Variants in IKZF5 observed in about 807,000 individuals in gnomAD.
IKZF5 encodes zinc finger protein Pegasus.
IKZF5 carries 4 observed loss-of-function variants against 30.7 expected under a neutral mutation model. The observed-to-expected ratio is 0.13, with a 90% CI of 0.06 to 0.30. IKZF5 has a LOEUF of 0.30. IKZF5 is among the 10% of genes least tolerant of loss of function. IKZF5 has a pLI of 1.00. For synonymous variants in IKZF5, 148 were observed against 179.6 expected, an observed-to-expected ratio of 0.82 and a Z score of 1.41; for missense variants, 348 against 525.5, an observed-to-expected ratio of 0.66 and a Z score of 3.30.
chr10:123,002,412 C>T (rs1589721471), intron 2 of IKZF5, among the ~76,000 whole-genome samples: 1 of 151,028 alleles, frequency 6.6e-6, no homozygotes, highest in Admixed American at 6.6e-5. Context: ...CCCTGCTTTT[C>T]GGTAGGCTGA....
Position 122,992,348 on chromosome 10 carries a change from G to A in IKZF5, c.*1432C>T, listed in dbSNP as rs2133370929. On this transcript the variant is annotated 3_prime_UTR_variant, in exon 5 of 5. Coordinates refer to ENST00000368886, the MANE Select transcript of IKZF5 (RefSeq NM_001372123.1). ...TAGAGTTCTTTTTTGGTTAATAGAT[G>A]CTTACTATTCTCTTTAAGATGCCAA... The A allele has an allele frequency of 6.6e-6, 1 of 152,234 alleles. No individual in the cohort carries two copies. The highest frequency in any genetic ancestry group is 1.9e-4 in the East Asian group (1 of 5,184). The allele number at this position is 152,234 out of a possible 1,614,324, so 9.4% of individuals were successfully genotyped here.
In IKZF5 at chr10:122,993,749, G is replaced by GC; in HGVS notation, c.*30dup. On this transcript the variant is annotated 3_prime_UTR_variant, in exon 5 of 5. Transcript: ENST00000368886. The stretch of plus-strand genomic sequence containing the variant: ...CAAAAAAAACCAAACCACAAAAACA[G>GC]CAAAACTAAGTAAAATATGACTATT... 6.7e-7 allele frequency: 1 copy of GC among 1,493,842 alleles called. No individual in the cohort carries two copies. The allele number at this position is 1,493,842 out of a possible 1,614,324, so 92.5% of individuals were successfully genotyped here. A position where few individuals can be genotyped will look rare whatever the true frequency, so the allele number is the denominator to read the frequency against.
chr10:122,992,607 A>T lies in IKZF5; in HGVS notation c.*1173T>A, dbSNP rs945177980. 3.3e-5 allele frequency: 5 copies of T among 152,194 alleles called. No homozygotes were observed. The highest frequency in any genetic ancestry group is 1.2e-4 in the African/African-American group (5 of 41,470). 9.4% of individuals were successfully genotyped at this position (152,194 alleles called of 1,614,324 possible). ...AATGTCATGTTTAGATGCATTTTAT[A>T]TTCACTTCCACACCTTTTTATCCTT... On this transcript the variant is annotated 3_prime_UTR_variant, in exon 5 of 5. Coordinates refer to ENST00000368886, the MANE Select transcript of IKZF5 (RefSeq NM_001372123.1).
rs1849304937 is a variant in IKZF5, at chr10:122,994,862, A to AT, written c.317-140dup. On this transcript the variant is annotated intron_variant, in intron 4 of 4. Coordinates refer to ENST00000368886, the MANE Select transcript of IKZF5 (RefSeq NM_001372123.1). The surrounding 1 kb of genome is among the most constrained non-coding windows in gnomAD (Gnocchi z 5.6). ...AAGTCATATTTGCATAGCATATGAGATTGTTAAAATTTGTAAATAAACCCA... is the reference window on the plus strand; with the variant it reads ...AAGTCATATTTGCATAGCATATGAGATTTGTTAAAATTTGTAAATAAACCCA... 1 of 668,402 alleles carries AT rather than the reference A, an allele frequency of 1.5e-6. No homozygotes were observed. Among genetic ancestry groups the AT allele is most frequent in the African/African-American group, 1.8e-5 (1 of 55,032 alleles). The allele number at this position is 668,402 out of a possible 1,614,324, so 41.4% of individuals were successfully genotyped here. A position where few individuals can be genotyped will look rare whatever the true frequency, so the allele number is the denominator to read the frequency against.
chr10:122,996,078 A>G lies in IKZF5; in HGVS notation c.232T>C (p.Phe78Leu), dbSNP rs8192669. 8.9e-5 allele frequency: 144 copies of G among 1,613,976 alleles called. No individual in the cohort carries two copies. Among genetic ancestry groups the G allele is most frequent in the Non-Finnish European group, 1.0e-4 (123 of 1,180,030 alleles). The change falls in exon 4 of 5, where the codon TTT (phenylalanine) becomes CTT (leucine). Residue 78 changes from phenylalanine (F) to leucine (L), a missense_variant. Around this residue, in one of 4 missense-constraint regions of IKZF5, gnomAD observed 80 missense variants for 93.2 expected, o/e 0.86. Transcript: ENST00000368886. ...GMLVDGFERT[F>L]DGKLKCRYCN... is the part of the protein sequence containing the mutation. Reference sequence around the variant, plus strand: ...TACCGACACTTAAGCTTCCCATCAAAGGTCCTTTCAAACCCGTCTACTAAC... The same window carrying G: ...TACCGACACTTAAGCTTCCCATCAAGGGTCCTTTCAAACCCGTCTACTAAC...
chr10:123,007,785 C>T lies in IKZF5; in HGVS notation c.-197-609G>A, dbSNP rs908753880. The stretch of plus-strand genomic sequence containing the variant: ...ATAACCTTTAGCTGTTGTGACAACA[C>T]GACATAAATCAAAATTAAATTGAAT... On this transcript the variant is annotated intron_variant, in intron 1 of 4. Coordinates refer to ENST00000368886, the MANE Select transcript of IKZF5 (RefSeq NM_001372123.1). Among the ~76,000 whole-genome samples, 7 of 152,266 alleles carry T rather than the reference C, an allele frequency of 4.6e-5. No individual in the cohort carries two copies. In the East Asian group the frequency reaches 1.4e-3, roughly 29 times the overall value.
At chr10:123,005,697 A>ACT (rs1849754709) in intron 2 of IKZF5, among the ~76,000 whole-genome samples, 2 of 152,150 alleles carry the variant, frequency 1.3e-5, no homozygotes, top group Non-Finnish European at 2.9e-5. Flanking sequence ...TCTAAATGGG[A>ACT]TTAGTGCCTT....
rs1228896217 is a variant in IKZF5, at chr10:122,994,085, G to A, written c.955C>T (p.His319Tyr). The A allele has an allele frequency of 3.1e-6, 5 of 1,614,154 alleles. No homozygotes were observed. The South Asian group carries it at 3.3e-5, about 11-fold the overall frequency. ...ACTGGACTATAGTTCCTTTGACTAT[G>A]GGATGGCCGAGGTTCTGGGCTTGTG... ...SPTSPEPRPS[H>Y]SQRNYSPVAG... Residue 319 changes from histidine (H) to tyrosine (Y), a missense_variant, in exon 5 of 5, where the codon CAT (histidine) becomes TAT (tyrosine). This residue lies in a region of IKZF5 where 176 missense variants were observed against 198.2 expected (regional missense o/e 0.89). Coordinates refer to ENST00000368886, the MANE Select transcript of IKZF5 (RefSeq NM_001372123.1). This position sits in a 1 kb window ranked among gnomAD's most constrained non-coding sequence, Gnocchi z 5.6.
chr10:122,995,693 T>C (rs1227824839), intron 4 of IKZF5, among the ~76,000 whole-genome samples: 1 of 152,192 alleles, frequency 6.6e-6, no homozygotes, highest in East Asian at 1.9e-4. Context: ...TTTTATCACA[T>C]CGCAGTGCTT....
chr10:123,004,344 T>C (rs891610677), intron 2 of IKZF5, among the ~76,000 whole-genome samples: 1 of 152,160 alleles, frequency 6.6e-6, no homozygotes, highest in Non-Finnish European at 1.5e-5. Flanking sequence ...GACAGGCTTC[T>C]GGAAGCAAGA....
At position 123,008,741 on chromosome 10, in the gene IKZF5, TCGCCGC is replaced by T. The variant is rs902449078; in HGVS notation, c.-251_-246del. The stretch of plus-strand genomic sequence containing the variant: ...AACCACACCGCCTTGTTAAATGCCG[TCGCCGC>T]CGCCGCCGTCTTCGTCACCGTCACA... On this transcript the variant is annotated 5_prime_UTR_variant, in exon 1 of 5. Transcript: ENST00000368886. The T allele has an allele frequency of 3.8e-5, 22 of 585,190 alleles. No homozygotes were observed. Among genetic ancestry groups the T allele is most frequent in the East Asian group, 5.8e-5 (2 of 34,684 alleles). The allele number at this position is 585,190 out of a possible 1,614,324, so 36.2% of individuals were successfully genotyped here. A position where few individuals can be genotyped will look rare whatever the true frequency, so the allele number is the denominator to read the frequency against.
At chr10:122,996,930 A>T (rs1271723784) in intron 3 of IKZF5, among the ~76,000 whole-genome samples, 2 of 152,192 alleles carry the variant, frequency 1.3e-5, no homozygotes, top group Non-Finnish European at 2.9e-5. Flanking sequence ...GCAGTGAATA[A>T]GTTTTCCACA....
intron 2 of IKZF5, among the ~76,000 whole-genome samples, chr10:122,999,211 C>T (rs537880347): frequency 6.6e-6 from 1 of 152,246 alleles, no homozygotes; most frequent in African/African-American, 2.4e-5. Flanking sequence ...GGACATGTTT[C>T]TTATCTGTGC....
rs1849247661 is a variant in IKZF5, at chr10:122,993,687, TAGC to T, written c.*90_*92del. On this transcript the variant is annotated 3_prime_UTR_variant, in exon 5 of 5. Transcript: ENST00000368886. ...TAAATATAATGTATAAGCCTTGAAT[TAGC>T]AGACACTTTATTAGGGATGACCAAA... 1 of 719,978 alleles carries T rather than the reference TAGC, an allele frequency of 1.4e-6. No homozygotes were observed. 44.6% of individuals were successfully genotyped at this position (719,978 alleles called of 1,614,324 possible).
Position 122,994,381 on chromosome 10 carries a change from G to A in IKZF5, c.659C>T (p.Pro220Leu). ...TTCATAGGAGTCAGTCTGGATATTT[G>A]GGATTTCGTGGGTAAAATCGTTAAG... ...DYLNDFTHEIPNIQTDSYESM... is the reference protein window; with the variant it reads ...DYLNDFTHEILNIQTDSYESM... The change falls in exon 5 of 5, where the codon CCA (proline) becomes CTA (leucine). Residue 220 changes from proline to leucine, a missense_variant. By Grantham distance (98) the Pro-to-Leu change is moderately conservative (BLOSUM62 -3). This residue lies in a region of IKZF5 where 176 missense variants were observed against 198.2 expected (regional missense o/e 0.89). Coordinates refer to ENST00000368886, the MANE Select transcript of IKZF5 (RefSeq NM_001372123.1). This position sits in a 1 kb window ranked among gnomAD's most constrained non-coding sequence, Gnocchi z 5.6. 6.2e-7 allele frequency: 1 copy of A among 1,613,992 alleles called. No homozygotes were observed. Among genetic ancestry groups the A allele is most frequent in the Non-Finnish European group, 8.5e-7 (1 of 1,179,988 alleles).
At position 122,992,321 on chromosome 10, in the gene IKZF5, A is replaced by G. The variant is rs1335381361; in HGVS notation, c.*1459T>C. ...CACCAATATTTCCCTTTCCTTTACT[A>G]TTAGAGTTCTTTTTTGGTTAATAGA... On this transcript the variant is annotated 3_prime_UTR_variant, in exon 5 of 5. Transcript: ENST00000368886. 2.6e-5 allele frequency: 4 copies of G among 152,180 alleles called. No homozygotes were observed. The highest frequency in any genetic ancestry group is 7.2e-5 in the African/African-American group (3 of 41,468). The allele number at this position is 152,180 out of a possible 1,614,324, so 9.4% of individuals were successfully genotyped here. A position where few individuals can be genotyped will look rare whatever the true frequency, so the allele number is the denominator to read the frequency against.
chr10:122,994,910 A>C lies in IKZF5; in HGVS notation c.317-187T>G. 3.4e-6 allele frequency: 2 copies of C among 580,500 alleles called. No individual in the cohort carries two copies. The highest frequency in any genetic ancestry group is 6.0e-6 in the Non-Finnish European group (2 of 332,828). 36.0% of individuals were successfully genotyped at this position (580,500 alleles called of 1,614,324 possible). On this transcript the variant is annotated intron_variant, in intron 4 of 4. Coordinates refer to ENST00000368886, the MANE Select transcript of IKZF5 (RefSeq NM_001372123.1). This position sits in a 1 kb window ranked among gnomAD's most constrained non-coding sequence, Gnocchi z 5.6. ...CCACAAATTGAAATAAAGCTTAAGA[A>C]CTCATCAGCAACAACCTGAAATATG...
intron 2 of IKZF5, among the ~76,000 whole-genome samples, chr10:123,001,783 T>C (rs1344796746): frequency 6.6e-6 from 1 of 152,254 alleles, no homozygotes; most frequent in African/African-American, 2.4e-5. Flanking sequence ...TCTTCAAGAA[T>C]AGGCTGTTCT....
At position 122,996,109 on chromosome 10, in the gene IKZF5, T is replaced by C; in HGVS notation, c.201A>G (p.Ser67=). ...TTTCAAACCCGTCTACTAACATTCCTGAGTTTTCATCCAAGGAAACTTCAA... is the reference window on the plus strand; with the variant it reads ...TTTCAAACCCGTCTACTAACATTCCCGAGTTTTCATCCAAGGAAACTTCAA... ...PSVEVSLDEN[S]GMLVDGFERT... is the part of the protein sequence containing the mutation. The change falls in exon 4 of 5, where the codon TCA becomes TCG. Residue 67 remains serine, a synonymous_variant. Coordinates refer to ENST00000368886, the MANE Select transcript of IKZF5 (RefSeq NM_001372123.1). The C allele has an allele frequency of 6.2e-7, 1 of 1,614,086 alleles. No homozygotes were observed. The highest frequency in any genetic ancestry group is 1.1e-5 in the South Asian group (1 of 91,086).
Sources: gnomAD v4.1 joint callset for allele counts (sites outside exome capture counted in the v4.1 genomes callset) on GRCh38, gnomAD v4.1.1 for gene constraint, gnomAD v4.1.1 regional missense constraint, Gnocchi (gnomAD v3.1) non-coding constraint, MANE v1.5 for transcripts, NCBI Gene and HGNC (gene_info 2026-07-23, HGNC 2026-07-21) for gene names.